Variants in SLC5A11 observed in about 807,000 individuals in gnomAD.
The protein encoded by SLC5A11 is solute carrier family 5 member 11.
In SLC5A11, 48 loss-of-function variants were observed where a neutral mutation model predicts 69.8. The ratio of observed to expected loss-of-function variants is 0.69; its 90% CI spans 0.55 to 0.87. The LOEUF is 0.87. Among genes scored for constraint, SLC5A11 ranks in the 40% least tolerant of loss-of-function variants. SLC5A11 has a pLI of 0.00. For synonymous variants in SLC5A11, 319 were observed against 342.4 expected (o/e 0.93, Z 0.75); for missense variants, 784 against 866.1 (o/e 0.91, Z 1.19).
intron 7 of SLC5A11, among the ~76,000 whole-genome samples, chr16:24,881,531 G>A (rs913494559): frequency 2.6e-5 from 4 of 152,012 alleles, no homozygotes; most frequent in East Asian, 1.9e-4. Flanking sequence ...CAAGTGATCC[G>A]CCTGCATCAG....
At chr16:24,891,381 CA>C (rs1397543373) in intron 9 of SLC5A11, among the ~76,000 whole-genome samples, 1 of 144,412 alleles carries the variant, frequency 6.9e-6, no homozygotes, top group Non-Finnish European at 1.5e-5. Flanking sequence ...GAGGCACGAT[CA>C]TAGCTCACAG....
At chr16:24,896,942 C>CTTTTTTTTTTTTTT (rs869210839) in intron 9 of SLC5A11, among the ~76,000 whole-genome samples, 2 of 97,092 alleles carry the variant, frequency 2.1e-5, no homozygotes, top group Non-Finnish European at 1.9e-5. Flanking sequence ...AACCTCCTTC[C>CTTTTTTTTTTTTTT]TTTTTTTTTT....
chr16:24,877,378 A>C lies in SLC5A11; in HGVS notation c.583+15A>C. The stretch of plus-strand genomic sequence containing the variant: ...CACGGTTGCTGGTAAGACTGAACAA[A>C]GGGTAACACCTAGCAGAGGCAGTGG... On this transcript the variant is annotated intron_variant, in intron 7 of 15. Coordinates refer to ENST00000347898, the Ensembl canonical transcript of SLC5A11. The C allele has an allele frequency of 6.2e-7, 1 of 1,601,744 alleles. No homozygotes were observed. The highest frequency in any genetic ancestry group is 8.6e-7 in the Non-Finnish European group (1 of 1,169,488).
chr16:24,894,309 T>A (rs886674114), intron 9 of SLC5A11, among the ~76,000 whole-genome samples: 1 of 152,082 alleles, frequency 6.6e-6, no homozygotes, highest in Non-Finnish European at 1.5e-5. Context: ...CAGCTCTCCC[T>A]CCTCCTTTCC....
intron 10 of SLC5A11, among the ~76,000 whole-genome samples, chr16:24,905,703 T>C (rs958003172): frequency 2.0e-5 from 3 of 151,578 alleles, no homozygotes; most frequent in Non-Finnish European, 4.4e-5. Context: ...AAATGCAGTA[T>C]TTACAGAGCC....
chr16:24,880,177 A>T (rs1418231567), intron 7 of SLC5A11, among the ~76,000 whole-genome samples: 3 of 152,148 alleles, frequency 2.0e-5, no homozygotes, highest in Non-Finnish European at 4.4e-5. Context: ...TGAAAAAAAA[A>T]AGAGGTTTAA....
chr16:24,889,740 G>T (rs2048651589), intron 8 of SLC5A11, among the ~76,000 whole-genome samples: 1 of 151,558 alleles, frequency 6.6e-6, no homozygotes, highest in Non-Finnish European at 1.5e-5. Flanking sequence ...TAGAGACAGG[G>T]TTTCACCATG....
intron 9 of SLC5A11, among the ~76,000 whole-genome samples, chr16:24,894,311 C>A (rs148170429): frequency 6.6e-6 from 1 of 152,304 alleles, no homozygotes; most frequent in African/African-American, 2.4e-5. Flanking sequence ...GCTCTCCCTC[C>A]TCCTTTCCCA....
Position 24,862,688 on chromosome 16 carries a change from T to G in SLC5A11, c.207+16T>G. On this transcript the variant is annotated intron_variant, in intron 3 of 15. Transcript: ENST00000347898. ...GTGGTGGCCAGTAAGTGGTCTTTGG[T>G]TCAATTAAAGTCACTTCTTAAAGAA... The G allele has an allele frequency of 6.2e-7, 1 of 1,611,290 alleles. No homozygotes were observed.
At position 24,905,269 on chromosome 16, in the gene SLC5A11, CAAAAAAAAAA is replaced by C. The variant is rs34703027; in HGVS notation, c.1007-1370_1007-1361del. On this transcript the variant is annotated intron_variant, in intron 10 of 15. Transcript: ENST00000347898. ...TGGAACCCCGTCTCTACTAAAAATA[CAAAAAAAAAA>C]AAAAAAAAAAAAAAAAACCTGGGTG... Among the ~76,000 whole-genome samples, 214 of 80,404 alleles carry C rather than the reference CAAAAAAAAAA, an allele frequency of 2.7e-3. 1 individual carries two copies. The highest frequency in any genetic ancestry group is 0.011 in the African/African-American group (205 of 19,484). The allele number at this position is 80,404 out of a possible 152,430, so 52.7% of individuals were successfully genotyped here. A position where few individuals can be genotyped will look rare whatever the true frequency, so the allele number is the denominator to read the frequency against.
intron 9 of SLC5A11, among the ~76,000 whole-genome samples, chr16:24,891,889 T>C (rs1043406095): frequency 4.0e-5 from 6 of 151,820 alleles, no homozygotes; most frequent in African/African-American, 1.2e-4. Context: ...TTGATAAATA[T>C]CATTTTAAAA....
intron 7 of SLC5A11, among the ~76,000 whole-genome samples, chr16:24,878,559 A>C (rs778745237): frequency 4.6e-5 from 7 of 152,100 alleles, no homozygotes; most frequent in African/African-American, 9.7e-5. Context: ...GTATCTCTAT[A>C]TTATGTACCT....
rs143140375 is a variant in SLC5A11, at chr16:24,881,994, A to G, written c.584-2057A>G. Among the ~76,000 whole-genome samples the G allele has an allele frequency of 6.1e-4, 93 of 152,334 alleles. No homozygotes were observed. In the South Asian group the frequency reaches 8.3e-3, roughly 14 times the overall value. Reference sequence around the variant, plus strand: ...TCTAACATATGCAAAGTCCCCTGATACAGAAAGACCTTGGCTGAGTTCTCA... The same window carrying G: ...TCTAACATATGCAAAGTCCCCTGATGCAGAAAGACCTTGGCTGAGTTCTCA... On this transcript the variant is annotated intron_variant, in intron 7 of 15. Coordinates refer to ENST00000347898, the Ensembl canonical transcript of SLC5A11.
At position 24,858,696 on chromosome 16, in the gene SLC5A11, C is replaced by T. The variant is rs777735832; in HGVS notation, c.53C>T (p.Ala18Val). Residue 18 changes from alanine (A) to valine (V), a missense_variant, in exon 2 of 16, where the codon GCG becomes GTG. This residue lies in a region of SLC5A11 where 133 missense variants were observed against 107.4 expected (regional missense o/e 1.24). Transcript: ENST00000347898. ...CCTCCACAGTTAGATCCCCTGGATG[C>T]GTTTCCCCAGAAGGGCTTGGAGCCT... 9.3e-6 allele frequency: 15 copies of T among 1,611,452 alleles called. No homozygotes were observed. The African/African-American group carries it at 1.2e-4, about 13-fold the overall frequency.
chr16:24,884,995 GC>G (rs2048306756), intron 8 of SLC5A11, among the ~76,000 whole-genome samples: 1 of 152,088 alleles, frequency 6.6e-6, no homozygotes, highest in Non-Finnish European at 1.5e-5. Flanking sequence ...ACCTGCCTCG[GC>G]CTCCCAAAGT....
At chr16:24,852,103 G>T (rs2152211233) in intron 1 of SLC5A11, among the ~76,000 whole-genome samples, 1 of 151,088 alleles carries the variant, frequency 6.6e-6, no homozygotes, top group Non-Finnish European at 1.5e-5. Context: ...TTGTGTCTTT[G>T]AGTGCTTTGG....
chr16:24,910,350 G>C (rs781685844), exon 15 of SLC5A11: 1 of 1,614,088 alleles, frequency 6.2e-7, no homozygotes, highest in East Asian at 2.2e-5. Context: ...CCGTGGTCCA[G>C]AAGGAACAAG....
At position 24,890,533 on chromosome 16, in the gene SLC5A11, A is replaced by C. The variant is rs11646170; in HGVS notation, c.665-336A>C. Among the ~76,000 whole-genome samples the C allele has an allele frequency of 1.4e-5, 2 of 144,342 alleles. 1 individual carries two copies. Among genetic ancestry groups the C allele is most frequent in the Admixed American group, 1.4e-4 (2 of 14,418 alleles). The allele number at this position is 144,342 out of a possible 152,430, so 94.7% of individuals were successfully genotyped here. On this transcript the variant is annotated intron_variant, in intron 8 of 15. Transcript: ENST00000347898. Reference sequence around the variant, plus strand: ...AAAAAAAAGAAGGAAGGAAGGAAAGAAAGGAAGGAAGAAAGAAAGAAAGAA... The same window carrying C: ...AAAAAAAAGAAGGAAGGAAGGAAAGCAAGGAAGGAAGAAAGAAAGAAAGAA...
chr16:24,869,437 A>G (rs895083974), intron 3 of SLC5A11, among the ~76,000 whole-genome samples: 9 of 152,214 alleles, frequency 5.9e-5, no homozygotes, highest in African/African-American at 1.9e-4. Flanking sequence ...GATTGGCATC[A>G]GCAAGTACAG....
Sources: allele counts gnomAD v4.1 joint callset (sites outside exome capture counted in the v4.1 genomes callset), GRCh38; gene constraint gnomAD v4.1.1; regional missense constraint gnomAD v4.1.1; transcripts MANE v1.5; gene names NCBI Gene and HGNC (gene_info 2026-07-23, HGNC 2026-07-21).